MORN4: variants seen among roughly 807,000 people sequenced by gnomAD.
MORN4 encodes the protein MORN repeat-containing protein 4.
A neutral mutation model predicts 16.4 loss-of-function variants in MORN4; 8 were observed. The ratio of observed to expected loss-of-function variants is 0.49; its 90% CI spans 0.29 to 0.88. MORN4 has a LOEUF of 0.88. Ranked by LOEUF, MORN4 falls within the 40% of genes least tolerant of loss-of-function variation. MORN4 has a pLI of 0.09. For missense variants in MORN4, 159 were observed against 182.9 expected (o/e 0.87, Z 0.75); for synonymous variants, 53 against 68.9 (o/e 0.77, Z 1.14).
chr10:97,633,475 A>G lies in MORN4; in HGVS notation c.-159T>C, dbSNP rs1384450933. ...CCTCCACCAGCGATTGCCCCACTTG[A>G]CGCCGCCATCCTGGGCGACCGCACT... On this transcript the variant is annotated 5_prime_UTR_variant, in exon 1 of 5. Coordinates refer to ENST00000307450, the MANE Select transcript of MORN4 (RefSeq NM_178832.4). The surrounding 1 kb of genome is among the most constrained non-coding windows in gnomAD (Gnocchi z 4.5). 1 of 1,289,706 alleles carries G rather than the reference A, an allele frequency of 7.8e-7. No individual in the cohort carries two copies. 79.9% of individuals were successfully genotyped at this position (1,289,706 alleles called of 1,614,324 possible).
chr10:97,626,490 C>T (rs2041348914), intron 1 of MORN4, among the ~76,000 whole-genome samples: 3 of 147,394 alleles, frequency 2.0e-5, no homozygotes, highest in Non-Finnish European at 4.5e-5. Context: ...GAGTCTTGCT[C>T]TGTGGCCCAG....
intron 1 of MORN4, among the ~76,000 whole-genome samples, chr10:97,631,470 A>T (rs964223233): frequency 2.0e-5 from 3 of 152,026 alleles, no homozygotes; most frequent in Non-Finnish European, 4.4e-5. Flanking sequence ...CTTTTTAATT[A>T]TTATTATTTT....
At position 97,615,714 on chromosome 10, in the gene MORN4, C is replaced by T. The variant is rs1483774594; in HGVS notation, c.*549G>A. On this transcript the variant is annotated 3_prime_UTR_variant, in exon 5 of 5. Transcript: ENST00000307450. ...CACTCTAGCCTGGGCGAGAGTAAAA[C>T]TCCATCTCAAAAATAAAAAATAAAA... The T allele has an allele frequency of 6.6e-6, 1 of 151,248 alleles. No homozygotes were observed. The highest frequency in any genetic ancestry group is 1.5e-5 in the Non-Finnish European group (1 of 67,896). 9.4% of individuals were successfully genotyped at this position (151,248 alleles called of 1,614,324 possible).
At chr10:97,620,790 C>A (rs1329173827) in intron 1 of MORN4, among the ~76,000 whole-genome samples, 1 of 151,820 alleles carries the variant, frequency 6.6e-6, no homozygotes, top group Non-Finnish European at 1.5e-5. Flanking sequence ...CCAGCCTGGG[C>A]AACATAGCAA....
In MORN4 at chr10:97,628,328, T is replaced by C. The variant is rs560519439; in HGVS notation, c.-31+5019A>G. Among the ~76,000 whole-genome samples, 4 of 152,340 alleles carry C rather than the reference T, an allele frequency of 2.6e-5. No individual in the cohort carries two copies. The South Asian group carries it at 8.3e-4, about 32-fold the overall frequency. ...TTGCAGTGGGATTTGAGGAGTCATA[T>C]TGACTACACAGGGACTCAGGGAAAG... On this transcript the variant is annotated intron_variant, in intron 1 of 4. Transcript: ENST00000307450.
rs770187681 is a variant in MORN4, at chr10:97,616,363, C to T, written c.341G>A (p.Gly114Asp). 6.2e-7 allele frequency: 1 copy of T among 1,612,674 alleles called. No homozygotes were observed. The highest frequency in any genetic ancestry group is 1.1e-5 in the South Asian group (1 of 90,906). ...CAGCAGCTTGTTGTTCTCAAAGAGA[C>T]CTTCATTGCGGGGGATTCCATGAGA... ...DGSHGIPRNE[G>D]LFENNKLLRR... Residue 114 changes from glycine to aspartate, a missense_variant, in exon 5 of 5, where the codon GGT becomes GAT. Physicochemically the swap from Gly to Asp is moderately conservative, Grantham distance 94. Transcript: ENST00000307450.
chr10:97,617,975 G>T (rs965594131), intron 2 of MORN4, among the ~76,000 whole-genome samples: 1 of 152,082 alleles, frequency 6.6e-6, no homozygotes, highest in Admixed American at 6.6e-5. Context: ...AAGAGTTCAA[G>T]ATCAGCCTGG....
At chr10:97,626,514 G>C (rs1813256273) in intron 1 of MORN4, among the ~76,000 whole-genome samples, 1 of 149,374 alleles carries the variant, frequency 6.7e-6, no homozygotes. Flanking sequence ...GGAGTGCAGT[G>C]GTGCAATGTC....
intron 2 of MORN4, among the ~76,000 whole-genome samples, chr10:97,617,996 G>A (rs2135734799): frequency 6.6e-6 from 1 of 152,132 alleles, no homozygotes; most frequent in Non-Finnish European, 1.5e-5. Context: ...CTAACATGGT[G>A]AAACCCCGTT....
chr10:97,626,754 A>ATT (rs536665432), intron 1 of MORN4, among the ~76,000 whole-genome samples: 72 of 110,976 alleles, frequency 6.5e-4, no homozygotes, highest in South Asian at 1.9e-3. Flanking sequence ...CTGTGCCCAG[A>ATT]TTTTTTTTTT....
chr10:97,633,420 G>A lies in MORN4; in HGVS notation c.-104C>T, dbSNP rs780643546. 1.6e-6 allele frequency: 2 copies of A among 1,289,744 alleles called. No individual in the cohort carries two copies. Among genetic ancestry groups the A allele is most frequent in the South Asian group, 2.5e-5 (2 of 81,022 alleles). The allele number at this position is 1,289,744 out of a possible 1,614,324, so 79.9% of individuals were successfully genotyped here. A position where few individuals can be genotyped will look rare whatever the true frequency, so the allele number is the denominator to read the frequency against. On this transcript the variant is annotated 5_prime_UTR_variant, in exon 1 of 5. Coordinates refer to ENST00000307450, the MANE Select transcript of MORN4 (RefSeq NM_178832.4). The surrounding 1 kb of genome is among the most constrained non-coding windows in gnomAD (Gnocchi z 4.5). ...AGCGCCTCGGACTTTTCCTCTGATGGGCTCCCGGCTGCCACCTTGCTCTCC... is the reference window on the plus strand; with the variant it reads ...AGCGCCTCGGACTTTTCCTCTGATGAGCTCCCGGCTGCCACCTTGCTCTCC...
intron 1 of MORN4, among the ~76,000 whole-genome samples, chr10:97,626,497 C>G (rs1287858691): frequency 2.0e-5 from 3 of 150,486 alleles, no homozygotes; most frequent in African/African-American, 7.3e-5. Context: ...GCTCTGTGGC[C>G]CAGACTGGAG....
At chr10:97,630,793 T>C (rs918386915) in intron 1 of MORN4, among the ~76,000 whole-genome samples, 1 of 152,218 alleles carries the variant, frequency 6.6e-6, no homozygotes, top group Non-Finnish European at 1.5e-5. Flanking sequence ...CCAGTAACCA[T>C]GGTCATTGAG....
chr10:97,622,131 T>C (rs2041302583), intron 1 of MORN4, among the ~76,000 whole-genome samples: 1 of 152,146 alleles, frequency 6.6e-6, no homozygotes, highest in Non-Finnish European at 1.5e-5. Flanking sequence ...GAACTGCCCT[T>C]CTGAGCCCGG....
intron 1 of MORN4, among the ~76,000 whole-genome samples, chr10:97,620,112 T>G (rs113056644): frequency 2.0e-5 from 3 of 151,962 alleles, no homozygotes; most frequent in African/African-American, 7.2e-5. Context: ...TGGCAGAGAT[T>G]AACAAAGACA....
rs1420526330 is a variant in MORN4 at position 97,615,428 on chromosome 10, T to C, written c.*835A>G. On this transcript the variant is annotated 3_prime_UTR_variant, in exon 5 of 5. Transcript: ENST00000307450. ...AAGACCCTGGCTCAATTTTTTATAA[T>C]AATAAAATTAAAGGCTGAGCGTGGT... 6.6e-6 allele frequency: 1 copy of C among 152,110 alleles called. No individual in the cohort carries two copies. The highest frequency in any genetic ancestry group is 1.5e-5 in the Non-Finnish European group (1 of 68,040). 9.4% of individuals were successfully genotyped at this position (152,110 alleles called of 1,614,324 possible).
intron 1 of MORN4, among the ~76,000 whole-genome samples, chr10:97,620,420 G>A (rs1332501423): frequency 2.0e-5 from 3 of 149,582 alleles, no homozygotes; most frequent in African/African-American, 5.0e-5. Flanking sequence ...CCCGGGAGGC[G>A]GAGGTTGTAG....
At chr10:97,629,549 T>C (rs2041376837) in intron 1 of MORN4, among the ~76,000 whole-genome samples, 1 of 152,144 alleles carries the variant, frequency 6.6e-6, no homozygotes. Flanking sequence ...AGCCATATAT[T>C]GGTGTTCCAG....
At chr10:97,619,775 C>G (rs998465155) in intron 1 of MORN4, 92 bp from the exon 2 acceptor site, 5 of 983,090 alleles carry the variant, frequency 5.1e-6, no homozygotes, top group Admixed American at 4.0e-5. Context: ...TAAAGGCCAC[C>G]AGCCTGGTAA....
Sources: allele counts gnomAD v4.1 joint callset (sites outside exome capture counted in the v4.1 genomes callset), GRCh38; gene constraint gnomAD v4.1.1; non-coding constraint Gnocchi (gnomAD v3.1); transcripts MANE v1.5; gene names NCBI Gene and HGNC (gene_info 2026-07-23, HGNC 2026-07-21).